Variants in BMPR1B observed in about 807,000 individuals in gnomAD.
BMPR1B encodes the protein bone morphogenetic protein receptor type 1B.
Under a neutral mutation model 59.1 loss-of-function variants are expected in BMPR1B, and 12 were observed. That is an observed-to-expected ratio of 0.20 (90% CI 0.13 to 0.33). BMPR1B has a LOEUF of 0.33. Among genes scored for constraint, BMPR1B ranks in the 10% least tolerant of loss-of-function variants. The pLI, the probability that BMPR1B is intolerant of heterozygous loss-of-function variation, is 1.00. For synonymous variants in BMPR1B, 237 were observed against 207.3 expected (o/e 1.14, Z -1.23); for missense variants, 550 against 610.9 (o/e 0.90, Z 1.05).
At chr4:95,129,090 G>A (rs1054636136) in intron 8 of BMPR1B, among the ~76,000 whole-genome samples, 6 of 152,078 alleles carry the variant, frequency 3.9e-5, no homozygotes, top group African/African-American at 1.4e-4. Context: ...GGTGGCAAGA[G>A]TTCCTTCAAA....
chr4:94,803,912 T>C (rs1452643011), intron 1 of BMPR1B, among the ~76,000 whole-genome samples: 1 of 152,210 alleles, frequency 6.6e-6, no homozygotes. Flanking sequence ...AGAGTCTTGC[T>C]CTGTTGCCTA....
intron 2 of BMPR1B, among the ~76,000 whole-genome samples, chr4:94,902,471 GAGA>G (rs1285869741): frequency 6.6e-6 from 1 of 151,870 alleles, no homozygotes; most frequent in African/African-American, 2.4e-5. Context: ...GGAAGAGAGT[GAGA>G]AGGATGATGG....
At chr4:95,050,562 G>A (rs1011199884) in intron 3 of BMPR1B, among the ~76,000 whole-genome samples, 2 of 152,140 alleles carry the variant, frequency 1.3e-5, no homozygotes, top group Non-Finnish European at 2.9e-5. Flanking sequence ...GATGGGGTCA[G>A]GAGTAGGGGC....
intron 1 of BMPR1B, among the ~76,000 whole-genome samples, chr4:94,769,438 C>G (rs1011427674): frequency 1.3e-5 from 2 of 152,108 alleles, no homozygotes; most frequent in Non-Finnish European, 2.9e-5. Flanking sequence ...TGGTGAAACC[C>G]TGTCTCTACT....
chr4:94,981,003 A>ACGCGTGCGTACGCGCGCG (rs141994255), intron 2 of BMPR1B, among the ~76,000 whole-genome samples: 4 of 90,796 alleles, frequency 4.4e-5, no homozygotes, highest in Non-Finnish European at 9.6e-5. Context: ...ACACACACAC[A>ACGCGTGCGTACGCGCGCG]CACACACACA....
At chr4:94,964,976 C>A (rs1440837252) in intron 2 of BMPR1B, among the ~76,000 whole-genome samples, 1 of 152,100 alleles carries the variant, frequency 6.6e-6, no homozygotes, top group East Asian at 1.9e-4. Flanking sequence ...TCTTTCAAGA[C>A]CATGCTGACT....
At chr4:95,080,220 A>G (rs1033445772) in intron 3 of BMPR1B, among the ~76,000 whole-genome samples, 3 of 152,240 alleles carry the variant, frequency 2.0e-5, no homozygotes, top group Non-Finnish European at 4.4e-5. Flanking sequence ...TATTTTATGT[A>G]TGTATGTATG....
chr4:94,916,139 T>C (rs1057216498), intron 2 of BMPR1B, among the ~76,000 whole-genome samples: 1 of 152,308 alleles, frequency 6.6e-6, no homozygotes, highest in East Asian at 1.9e-4. Context: ...GTCTTAAGTA[T>C]TTCTTTATTG....
intron 10 of BMPR1B, among the ~76,000 whole-genome samples, chr4:95,148,433 A>G (rs936628282): frequency 4.0e-5 from 6 of 151,208 alleles, no homozygotes; most frequent in Non-Finnish European, 8.8e-5. Context: ...AACTTTTTTT[A>G]AGAGATGGCA....
intron 3 of BMPR1B, among the ~76,000 whole-genome samples, chr4:95,032,743 A>C (rs1247241550): frequency 6.6e-6 from 1 of 152,134 alleles, no homozygotes; most frequent in Admixed American, 6.6e-5. Flanking sequence ...TGTAGTGTAG[A>C]CCACATTTCA....
chr4:94,952,891 C>T (rs1486481086), intron 2 of BMPR1B, among the ~76,000 whole-genome samples: 1 of 152,034 alleles, frequency 6.6e-6, no homozygotes, highest in African/African-American at 2.4e-5. Flanking sequence ...AGTGTGGGAA[C>T]CTAAGTCTCT....
At chr4:95,146,871 C>G (rs1025569644) in intron 10 of BMPR1B, among the ~76,000 whole-genome samples, 4 of 152,148 alleles carry the variant, frequency 2.6e-5, no homozygotes, top group Non-Finnish European at 5.9e-5. Context: ...TGACATGTTT[C>G]CAGTTTACCA....
chr4:94,873,171 A>G (rs1726570166), intron 1 of BMPR1B, among the ~76,000 whole-genome samples: 1 of 151,896 alleles, frequency 6.6e-6, no homozygotes, highest in African/African-American at 2.4e-5. Flanking sequence ...CCAGAGCTTT[A>G]CTTGTTCTGT....
At chr4:95,033,470 T>G (rs766827007) in intron 3 of BMPR1B, among the ~76,000 whole-genome samples, 1 of 152,166 alleles carries the variant, frequency 6.6e-6, no homozygotes, top group Non-Finnish European at 1.5e-5. Flanking sequence ...TTTTCCATTA[T>G]GGTATAAGAT....
At chr4:94,975,233 A>G (rs1730976329) in intron 2 of BMPR1B, among the ~76,000 whole-genome samples, 1 of 151,450 alleles carries the variant, frequency 6.6e-6, no homozygotes, top group Non-Finnish European at 1.5e-5. Flanking sequence ...AGAACCATTA[A>G]CTCTGTCCAG....
intron 2 of BMPR1B, among the ~76,000 whole-genome samples, chr4:94,983,281 AGT>A (rs776313195): frequency 6.6e-6 from 1 of 151,902 alleles, no homozygotes; most frequent in Non-Finnish European, 1.5e-5. Flanking sequence ...TTCATTTGTT[AGT>A]GTTTGTTTTC....
intron 3 of BMPR1B, among the ~76,000 whole-genome samples, chr4:95,034,904 C>T (rs976797198): frequency 6.6e-6 from 1 of 151,982 alleles, no homozygotes; most frequent in African/African-American, 2.4e-5. Context: ...CAGCAGTATA[C>T]TAGTTGTTCC....
chr4:94,911,431 C>T (rs1197947673), intron 2 of BMPR1B, among the ~76,000 whole-genome samples: 1 of 152,064 alleles, frequency 6.6e-6, no homozygotes, highest in Non-Finnish European at 1.5e-5. Context: ...CCAGCGAGAT[C>T]TTCTCAGATA....
intron 1 of BMPR1B, among the ~76,000 whole-genome samples, chr4:94,861,337 G>A (rs961102632): frequency 6.6e-6 from 1 of 152,164 alleles, no homozygotes; most frequent in South Asian, 2.1e-4. Flanking sequence ...AACGTGTGGT[G>A]CATATCTACA....
Sources: allele counts gnomAD v4.1 joint callset (sites outside exome capture counted in the v4.1 genomes callset), GRCh38; gene constraint gnomAD v4.1.1; transcripts MANE v1.5; gene names NCBI Gene and HGNC (gene_info 2026-07-23, HGNC 2026-07-21).